Variants in C2CD2 observed in about 807,000 individuals in gnomAD.
C2CD2 encodes C2 calcium dependent domain containing 2, also known as C2 domain-containing protein 2.
C2CD2 carries 43 observed loss-of-function variants against 74.3 expected under a neutral mutation model. That is an observed-to-expected ratio of 0.58 (90% CI 0.45 to 0.75). The LOEUF is 0.75. C2CD2 is among the 30% of genes least tolerant of loss of function. The pLI is 0.00. For synonymous variants in C2CD2, 422 were observed against 390.7 expected, an observed-to-expected ratio of 1.08 and a Z score of -0.94; for missense variants, 801 against 916.3, an observed-to-expected ratio of 0.87 and a Z score of 1.63.
intron 13 of C2CD2, among the ~76,000 whole-genome samples, chr21:41,894,023 A>G (rs2064791140): frequency 6.6e-6 from 1 of 152,212 alleles, no homozygotes; most frequent in South Asian, 2.1e-4. Flanking sequence ...TCATAGTTCA[A>G]CATCAATGCC....
intron 2 of C2CD2, among the ~76,000 whole-genome samples, chr21:41,925,750 C>A (rs1463216514): frequency 6.6e-6 from 1 of 152,206 alleles, no homozygotes; most frequent in African/African-American, 2.4e-5. Flanking sequence ...AAAGGGGTTC[C>A]TCGCATCACA....
chr21:41,911,663 C>T (rs1351388204), intron 7 of C2CD2, among the ~76,000 whole-genome samples: 1 of 151,746 alleles, frequency 6.6e-6, no homozygotes, highest in Non-Finnish European at 1.5e-5. Flanking sequence ...ACTGGGATTA[C>T]ATGTGTGAGC....
At chr21:41,906,813 T>C (rs1342804318) in intron 10 of C2CD2, among the ~76,000 whole-genome samples, 179 bp downstream of exon 10, 1 of 152,218 alleles carries the variant, frequency 6.6e-6, no homozygotes, top group Non-Finnish European at 1.5e-5. Flanking sequence ...GAAAGATAAC[T>C]GTCATCCGAT....
At chr21:41,941,976 T>C (rs1382343826) in intron 2 of C2CD2, 171 bp downstream of exon 2, 1 of 400,870 alleles carries the variant, frequency 2.5e-6, no homozygotes, top group Admixed American at 6.4e-5. Context: ...TCCCATTATG[T>C]GGACGGATCA....
At chr21:41,894,746 G>C in intron 13 of C2CD2, 1 of 456,796 alleles carries the variant, frequency 2.2e-6, no homozygotes, top group South Asian at 1.5e-5. Context: ...ATAGCAATGG[G>C]AAAGCCTGTT....
At position 41,953,692 on chromosome 21, in the gene C2CD2, C is replaced by T. The variant is rs1297344284; in HGVS notation, c.-44G>A. ...CTCGCCCCAACTTCCCCGGCAGCCC[C>T]GGGCCGGAACGGCGGACTCAGGACA... On this transcript the variant is annotated 5_prime_UTR_variant, in exon 1 of 14. Transcript: ENST00000380486. 2.2e-6 allele frequency: 3 copies of T among 1,343,584 alleles called. No individual in the cohort carries two copies. The highest frequency in any genetic ancestry group is 3.1e-5 in the African/African-American group (2 of 65,134). The allele number at this position is 1,343,584 out of a possible 1,614,324, so 83.2% of individuals were successfully genotyped here.
intron 2 of C2CD2, among the ~76,000 whole-genome samples, chr21:41,925,729 C>T (rs1470206756): frequency 2.0e-5 from 3 of 152,216 alleles, no homozygotes; most frequent in East Asian, 1.9e-4. Flanking sequence ...TGGCAGGGCC[C>T]CCACGGGCTG....
chr21:41,890,699 A>G (rs2064742013), intron 13 of C2CD2, among the ~76,000 whole-genome samples: 1 of 152,268 alleles, frequency 6.6e-6, no homozygotes, highest in Non-Finnish European at 1.5e-5. Context: ...GACATATGCA[A>G]ATCGCCACCC....
At chr21:41,896,431 C>T (rs964865939) in intron 13 of C2CD2, among the ~76,000 whole-genome samples, 1 of 152,080 alleles carries the variant, frequency 6.6e-6, no homozygotes, top group Non-Finnish European at 1.5e-5. Context: ...TTCCGAAAAC[C>T]TCCCTTGAAA....
chr21:41,943,711 G>A (rs1042556864), intron 1 of C2CD2, among the ~76,000 whole-genome samples: 18 of 152,332 alleles, frequency 1.2e-4, no homozygotes, highest in Admixed American at 1.0e-3. Context: ...ATGAGGTTAC[G>A]CTGTGGCTAT....
Position 41,899,459 on chromosome 21 carries a change from G to A in C2CD2, c.1561-97C>T. The A allele has an allele frequency of 8.6e-7, 1 of 1,163,346 alleles. No homozygotes were observed. Among genetic ancestry groups the A allele is most frequent in the South Asian group, 1.5e-5 (1 of 68,162 alleles). The allele number at this position is 1,163,346 out of a possible 1,614,324, so 72.1% of individuals were successfully genotyped here. On this transcript the variant is annotated intron_variant, in intron 12 of 13. Coordinates refer to ENST00000380486, the MANE Select transcript of C2CD2 (RefSeq NM_015500.2). The surrounding 1 kb of genome is among the most constrained non-coding windows in gnomAD (Gnocchi z 4.4). ...CACTCTCCAAAACATTCTGACAGCT[G>A]ATTTCAAAGTCTCAGAAGATGCAGC...
At chr21:41,941,390 G>C (rs186143079) in intron 2 of C2CD2, among the ~76,000 whole-genome samples, 47 of 152,192 alleles carry the variant, frequency 3.1e-4, no homozygotes, top group Non-Finnish European at 5.6e-4. Context: ...AAAAGAGAGA[G>C]AGAAAATGTC....
intron 1 of C2CD2, among the ~76,000 whole-genome samples, chr21:41,947,934 C>T (rs907140959): frequency 5.3e-5 from 8 of 152,152 alleles, no homozygotes; most frequent in Admixed American, 1.3e-4. Context: ...ACCAGGGGCC[C>T]GCGGGAGTGG....
Position 41,929,871 on chromosome 21 carries a change from G to A in C2CD2, c.379-7786C>T, listed in dbSNP as rs1360131458. Among the ~76,000 whole-genome samples the A allele has an allele frequency of 6.6e-6, 1 of 152,218 alleles. No homozygotes were observed. Among genetic ancestry groups the A allele is most frequent in the South Asian group, 2.1e-4 (1 of 4,834 alleles). The stretch of plus-strand genomic sequence containing the variant: ...GAGTATGATGAACAAGAGCAGGTCT[G>A]GTATAAAGACAGTGACTTTGCATTC... On this transcript the variant is annotated intron_variant, in intron 2 of 13. Coordinates refer to ENST00000380486, the MANE Select transcript of C2CD2 (RefSeq NM_015500.2). The surrounding 1 kb of genome is among the most constrained non-coding windows in gnomAD (Gnocchi z 4.6).
At position 41,887,736 on chromosome 21, in the gene C2CD2, G is replaced by GCT. The variant is rs1410675788; in HGVS notation, c.*1387_*1388insAG. ...ATATTTAATGTTTAAGGATTAACAA[G>GCT]AGGCTACGGAAGGAAGCTTGCCCAT... On this transcript the variant is annotated 3_prime_UTR_variant, in exon 14 of 14. Transcript: ENST00000380486. The GCT allele has an allele frequency of 3.3e-4, 50 of 152,338 alleles. No homozygotes were observed. The highest frequency in any genetic ancestry group is 1.1e-3 in the African/African-American group (46 of 41,580). The allele number at this position is 152,338 out of a possible 1,614,324, so 9.4% of individuals were successfully genotyped here.
chr21:41,926,505 G>A lies in C2CD2; in HGVS notation c.379-4420C>T, dbSNP rs992445698. The A allele has an allele frequency of 2.9e-6, 2 of 687,676 alleles. No individual in the cohort carries two copies. Among genetic ancestry groups the A allele is most frequent in the African/African-American group, 1.9e-5 (1 of 51,642 alleles). The allele number at this position is 687,676 out of a possible 1,614,324, so 42.6% of individuals were successfully genotyped here. A position where few individuals can be genotyped will look rare whatever the true frequency, so the allele number is the denominator to read the frequency against. ...AAGGCTGAAGAGCAGGCTGAGCGGGGAGGCCTTCATTCACCTTCTCGGTGC... is the reference window on the plus strand; with the variant it reads ...AAGGCTGAAGAGCAGGCTGAGCGGGAAGGCCTTCATTCACCTTCTCGGTGC... On this transcript the variant is annotated intron_variant, in intron 2 of 13. Coordinates refer to ENST00000380486, the MANE Select transcript of C2CD2 (RefSeq NM_015500.2). The surrounding 1 kb of genome is among the most constrained non-coding windows in gnomAD (Gnocchi z 8.0).
rs754075015 is a variant in C2CD2, at chr21:41,918,227, C to T, written c.598G>A (p.Asp200Asn). Residue 200 changes from aspartate (D) to asparagine (N), a missense_variant and splice_region_variant, in exon 5 of 14, where the codon GAC becomes AAC. Asp to Asn is a conservative substitution (Grantham distance 23, BLOSUM62 1). Coordinates refer to ENST00000380486, the MANE Select transcript of C2CD2 (RefSeq NM_015500.2). ...VNIQPKALGE[D>N]QVAETSAMSD... is the part of the protein sequence containing the mutation. ...ATCGCACTTGTCTCAGCCACCTGGT[C>T]CTGGTGAAAGAGGAGAAAGTTGACA... The T allele has an allele frequency of 3.1e-6, 5 of 1,614,072 alleles. No homozygotes were observed. The highest frequency in any genetic ancestry group is 2.2e-5 in the South Asian group (2 of 91,060).
rs1378990949 is a variant in C2CD2 at position 41,899,758 on chromosome 21, T to C, written c.1561-396A>G. Among the ~76,000 whole-genome samples the C allele has an allele frequency of 6.6e-6, 1 of 152,172 alleles. No individual in the cohort carries two copies. The highest frequency in any genetic ancestry group is 1.5e-5 in the Non-Finnish European group (1 of 68,016). On this transcript the variant is annotated intron_variant, in intron 12 of 13. Coordinates refer to ENST00000380486, the MANE Select transcript of C2CD2 (RefSeq NM_015500.2). This position sits in a 1 kb window ranked among gnomAD's most constrained non-coding sequence, Gnocchi z 4.4. ...TGGGTGTTTCGGGTTTAGCTGTCTT[T>C]GTTCCTACACGTTTATGTTACCTGC...
rs1302720802 is a variant in C2CD2 at position 41,923,012 on chromosome 21, T to G, written c.379-927A>C. On this transcript the variant is annotated intron_variant, in intron 2 of 13. Transcript: ENST00000380486. The surrounding 1 kb of genome is among the most constrained non-coding windows in gnomAD (Gnocchi z 5.8). ...ACAGTCTTTTTCCTTTTTTTTTTTT[T>G]GGAGATGGAGTTTCACTCTGTCGCC... Among the ~76,000 whole-genome samples the G allele has an allele frequency of 1.5e-5, 2 of 132,096 alleles. No homozygotes were observed. The highest frequency in any genetic ancestry group is 7.4e-5 in the Admixed American group (1 of 13,424). 86.7% of individuals were successfully genotyped at this position (132,096 alleles called of 152,430 possible).
Sources: allele counts gnomAD v4.1 joint callset (sites outside exome capture counted in the v4.1 genomes callset), GRCh38; gene constraint gnomAD v4.1.1; non-coding constraint Gnocchi (gnomAD v3.1); transcripts MANE v1.5; gene names NCBI Gene and HGNC (gene_info 2026-07-23, HGNC 2026-07-21).